Variants in PELP1 observed in about 807,000 individuals in gnomAD.
PELP1 encodes proline, glutamate and leucine rich protein 1.
PELP1 carries 32 observed loss-of-function variants against 95.5 expected under a neutral mutation model. The ratio of observed to expected loss-of-function variants is 0.34; its 90% CI spans 0.25 to 0.45. The LOEUF is 0.45. PELP1 is among the 20% of genes least tolerant of loss of function. PELP1 has a pLI of 1.00. For missense variants in PELP1, 1,358 were observed against 1,444.8 expected (o/e 0.94, Z 0.97); for synonymous variants, 668 against 600.1 (o/e 1.11, Z -1.65).
At position 4,672,716 on chromosome 17, in the gene PELP1, T is replaced by TC. The variant is rs770510786; in HGVS notation, c.2274dup (p.Arg759GlufsTer11). ...TGGACAAAGGCTGGTCTGGGCACTC[T>TC]CCCCCCAAAAGTTTCATCTGGGGGT... On this transcript the variant is annotated frameshift_variant, in exon 16 of 17. Transcript: ENST00000572293. LOFTEE classifies it high-confidence loss of function. 2 of 1,613,034 alleles carry TC rather than the reference T, an allele frequency of 1.2e-6. No individual in the cohort carries two copies.
At chr17:4,700,737 C>T (rs1913490270) in intron 1 of PELP1, among the ~76,000 whole-genome samples, 1 of 151,588 alleles carries the variant, frequency 6.6e-6, no homozygotes, top group African/African-American at 2.4e-5. Context: ...CCAGCCTGGA[C>T]AACATATAAA....
chr17:4,675,703 A>C lies in PELP1; in HGVS notation c.1068+94T>G. ...GGAAGCTCTCTGGGACGACTCCAGG[A>C]TGACACTGTTTGGGGAGACTCAGGT... On this transcript the variant is annotated intron_variant, in intron 9 of 16. Transcript: ENST00000572293. This position sits in a 1 kb window ranked among gnomAD's most constrained non-coding sequence, Gnocchi z 4.3. 1 of 886,478 alleles carries C rather than the reference A, an allele frequency of 1.1e-6. No homozygotes were observed. Among genetic ancestry groups the C allele is most frequent in the Non-Finnish European group, 1.9e-6 (1 of 539,164 alleles). 54.9% of individuals were successfully genotyped at this position (886,478 alleles called of 1,614,324 possible).
chr17:4,694,767 T>A (rs1446572100), intron 1 of PELP1, among the ~76,000 whole-genome samples: 1 of 149,816 alleles, frequency 6.7e-6, no homozygotes, highest in Non-Finnish European at 1.5e-5. Flanking sequence ...GGTCAGGAGT[T>A]CAAGACCAGC....
intron 5 of PELP1, among the ~76,000 whole-genome samples, chr17:4,681,085 G>A (rs1912666656): frequency 1.3e-5 from 2 of 152,188 alleles, no homozygotes; most frequent in Non-Finnish European, 2.9e-5. Context: ...AAGCGACAGA[G>A]GGAGTTTAAA....
In PELP1 at chr17:4,669,977, A is replaced by C. The variant is rs1206005020; in HGVS notation, c.*1462T>G. On this transcript the variant is annotated 3_prime_UTR_variant, in exon 17 of 17. Coordinates refer to ENST00000572293, the MANE Select transcript of PELP1 (RefSeq NM_014389.3). ...TCCCATGAAAAAAGAAATGTGTATAACTACAGATGTATAGATTAGACAGAT... is the reference window on the plus strand; with the variant it reads ...TCCCATGAAAAAAGAAATGTGTATACCTACAGATGTATAGATTAGACAGAT... 6.6e-6 allele frequency: 1 copy of C among 151,970 alleles called. No individual in the cohort carries two copies. Among genetic ancestry groups the C allele is most frequent in the African/African-American group, 2.4e-5 (1 of 41,224 alleles). The allele number at this position is 151,970 out of a possible 1,614,324, so 9.4% of individuals were successfully genotyped here. A position where few individuals can be genotyped will look rare whatever the true frequency, so the allele number is the denominator to read the frequency against.
At chr17:4,689,023 G>A (rs1192312825) in intron 3 of PELP1, among the ~76,000 whole-genome samples, 1 of 152,202 alleles carries the variant, frequency 6.6e-6, no homozygotes, top group Non-Finnish European at 1.5e-5. Flanking sequence ...GAACAGAAGG[G>A]AGAACCCAGA....
intron 1 of PELP1, among the ~76,000 whole-genome samples, chr17:4,700,108 T>C (rs1471951123): frequency 1.3e-5 from 2 of 151,890 alleles, no homozygotes; most frequent in Non-Finnish European, 2.9e-5. Context: ...GGGGTCACCA[T>C]CTTGGCCAGG....
chr17:4,686,559 C>T lies in PELP1; in HGVS notation c.421-3607G>A, dbSNP rs1912915766. On this transcript the variant is annotated intron_variant, in intron 3 of 16. Coordinates refer to ENST00000572293, the MANE Select transcript of PELP1 (RefSeq NM_014389.3). ...TTGAGATGGAGTCTCGCTCTGTCAC[C>T]CAGGCTGGAGTGCAGTGGCGCGATC... Among the ~76,000 whole-genome samples the T allele has an allele frequency of 2.0e-5, 3 of 152,192 alleles. No homozygotes were observed. The South Asian group carries it at 6.2e-4, about 32-fold the overall frequency.
intron 1 of PELP1, chr17:4,691,714 T>C: frequency 2.3e-6 from 1 of 444,340 alleles, no homozygotes; most frequent in Non-Finnish European, 4.0e-6. Context: ...GCCCAACTAA[T>C]CCCACTACCA....
rs377153671 is a variant in PELP1, at chr17:4,682,462, A to G, written c.642+40T>C. 17 of 1,334,198 alleles carry G rather than the reference A, an allele frequency of 1.3e-5. No individual in the cohort carries two copies. The South Asian group carries it at 1.5e-4, about 12-fold the overall frequency. The allele number at this position is 1,334,198 out of a possible 1,614,324, so 82.6% of individuals were successfully genotyped here. The stretch of plus-strand genomic sequence containing the variant: ...CAGGAATCTGAGGTAAGAGCTCTCA[A>G]CGCTTACACTGGTGGGGAGAAGAGT... On this transcript the variant is annotated intron_variant, in intron 5 of 16. Coordinates refer to ENST00000572293, the MANE Select transcript of PELP1 (RefSeq NM_014389.3).
chr17:4,683,828 C>T (rs551509192), intron 3 of PELP1, among the ~76,000 whole-genome samples: 127 of 133,672 alleles, frequency 9.5e-4, no homozygotes, highest in African/African-American at 3.5e-3. Context: ...CAGTGCCCAG[C>T]CTTTTTTTTT....
In PELP1 at chr17:4,674,471, G is replaced by A. The variant is rs186640461; in HGVS notation, c.1582+39C>T. On this transcript the variant is annotated intron_variant, in intron 13 of 16. Coordinates refer to ENST00000572293, the MANE Select transcript of PELP1 (RefSeq NM_014389.3). ...CCACTAGGGGAAAGGATGGGGTCCC[G>A]TTTGAGCCCCAGTGGTCCAGGGCAC... 62 of 1,585,724 alleles carry A rather than the reference G, an allele frequency of 3.9e-5. No homozygotes were observed. The African/African-American group carries it at 4.6e-4, about 12-fold the overall frequency.
At chr17:4,692,352 A>G (rs1200526581) in intron 1 of PELP1, among the ~76,000 whole-genome samples, 1 of 151,932 alleles carries the variant, frequency 6.6e-6, no homozygotes, top group Non-Finnish European at 1.5e-5. Context: ...CTGTAGTCCC[A>G]GCTACTCGGG....
intron 5 of PELP1, among the ~76,000 whole-genome samples, chr17:4,677,504 T>C (rs1912529603): frequency 6.6e-6 from 1 of 152,210 alleles, no homozygotes; most frequent in African/African-American, 2.4e-5. Context: ...CCTGTGACTG[T>C]CACTAATAGA....
chr17:4,701,274 C>T (rs1306633471), intron 1 of PELP1, among the ~76,000 whole-genome samples: 1 of 140,778 alleles, frequency 7.1e-6, no homozygotes, highest in East Asian at 2.1e-4. Context: ...ATCCCAAAGG[C>T]AGTGACAAAT....
chr17:4,670,118 TCTCA>T lies in PELP1; in HGVS notation c.*1317_*1320del, dbSNP rs1379855695. 1 of 152,220 alleles carries T rather than the reference TCTCA, an allele frequency of 6.6e-6. No homozygotes were observed. The highest frequency in any genetic ancestry group is 1.5e-5 in the Non-Finnish European group (1 of 68,036). The allele number at this position is 152,220 out of a possible 1,614,324, so 9.4% of individuals were successfully genotyped here. On this transcript the variant is annotated 3_prime_UTR_variant, in exon 17 of 17. Coordinates refer to ENST00000572293, the MANE Select transcript of PELP1 (RefSeq NM_014389.3). Reference sequence around the variant, plus strand: ...AGGCAAAGGTTATCTATTATACTGTTCTCACTTTTCTGTTTATTTCGAAAACAAG... The same window carrying T: ...AGGCAAAGGTTATCTATTATACTGTTCTTTTCTGTTTATTTCGAAAACAAG...
intron 3 of PELP1, among the ~76,000 whole-genome samples, chr17:4,684,650 A>G (rs567463794): frequency 1.3e-5 from 2 of 152,172 alleles, no homozygotes; most frequent in South Asian, 4.1e-4. Flanking sequence ...ACTGACATTT[A>G]TACAGCTCAA....
intron 5 of PELP1, among the ~76,000 whole-genome samples, chr17:4,678,171 G>A (rs577681167): frequency 2.3e-4 from 35 of 151,946 alleles, no homozygotes; most frequent in Non-Finnish European, 4.0e-4. Flanking sequence ...CCGAGATCAC[G>A]CCACTGCACT....
At position 4,676,142 on chromosome 17, in the gene PELP1, G is replaced by A. The variant is rs370964191; in HGVS notation, c.874C>T (p.Pro292Ser). The A allele has an allele frequency of 5.6e-6, 9 of 1,613,848 alleles. No homozygotes were observed. The highest frequency in any genetic ancestry group is 5.3e-5 in the African/African-American group (4 of 74,982). The change falls in exon 8 of 17, where the codon CCT becomes TCT. Residue 292 changes from proline (P) to serine (S), a missense_variant. By Grantham distance (74) the Pro-to-Ser change is moderately conservative. This residue lies in a region of PELP1 where 538 missense variants were observed against 628.1 expected (regional missense o/e 0.86). Transcript: ENST00000572293. ...GAGGACAGCAGCATCTCCACCCCAG[G>A]GCCTTCATTCTGCACAGGAGCTGGC... ...AETAPVQNEG[P>S]GVEMLLSSED...
Sources: allele counts gnomAD v4.1 joint callset (sites outside exome capture counted in the v4.1 genomes callset), GRCh38; gene constraint gnomAD v4.1.1; regional missense constraint gnomAD v4.1.1; non-coding constraint Gnocchi (gnomAD v3.1); transcripts MANE v1.5; gene names NCBI Gene and HGNC (gene_info 2026-07-23, HGNC 2026-07-21).